The following PPP1R37 variants were observed in gnomAD, a reference collection of about 807,000 sequenced individuals.
PPP1R37 encodes leucine rich repeat containing 68.
Under a neutral mutation model 61.0 loss-of-function variants are expected in PPP1R37, and 21 were observed. The observed-to-expected ratio is 0.34, with a 90% CI of 0.24 to 0.50. The LOEUF (loss-of-function observed/expected upper bound fraction) is 0.50. PPP1R37 is among the 20% of genes least tolerant of loss of function. PPP1R37 has a pLI of 0.98. For synonymous variants in PPP1R37, 443 were observed against 433.5 expected, an observed-to-expected ratio of 1.02 and a Z score of -0.27; for missense variants, 910 against 952.7, an observed-to-expected ratio of 0.96 and a Z score of 0.59.
chr19:45,134,096 A>G (rs919604793), intron 1 of PPP1R37, among the ~76,000 whole-genome samples: 11 of 152,236 alleles, frequency 7.2e-5, no homozygotes, highest in Admixed American at 6.5e-4. Flanking sequence ...ATCCTGGGCC[A>G]GCCAGCTGCT....
chr19:45,145,813 CCCCCACCCCTCCCTCT>C lies in PPP1R37; in HGVS notation c.1762_1777del (p.Thr588HisfsTer45). The C allele has an allele frequency of 1.9e-6, 1 of 513,948 alleles. No individual in the cohort carries two copies. Among genetic ancestry groups the C allele is most frequent in the Non-Finnish European group, 3.1e-6 (1 of 317,570 alleles). 31.8% of individuals were successfully genotyped at this position (513,948 alleles called of 1,614,324 possible). On this transcript the variant is annotated frameshift_variant, in exon 11 of 13. Transcript: ENST00000221462. LOFTEE classifies it high-confidence loss of function. ...CCCGAGAGGGCAGAGCCCCCTGCGTCCCCCACCCCTCCCTCTCCCCCACCCCCTCCCTCCCCACCCG... is the reference window on the plus strand; with the variant it reads ...CCCGAGAGGGCAGAGCCCCCTGCGTCCCCCCACCCCCTCCCTCCCCACCCG...
intron 1 of PPP1R37, among the ~76,000 whole-genome samples, chr19:45,132,529 G>C (rs1272992341): frequency 1.3e-5 from 2 of 152,066 alleles, no homozygotes; most frequent in Non-Finnish European, 2.9e-5. Context: ...TTGAACTCCT[G>C]GTTTCAAGTG....
At chr19:45,144,702 G>A in intron 8 of PPP1R37, 152 bp from the exon 9 acceptor site, 1 of 647,134 alleles carries the variant, frequency 1.5e-6, no homozygotes, top group Non-Finnish European at 2.5e-6. Context: ...CAGGCCTGCG[G>A]CAGGGCAGGA....
rs1968464569 is a variant in PPP1R37 at position 45,130,590 on chromosome 19, G to C, written c.203-7924G>C. ...TCTGGGAACACTCCTTTCAAGGCCA[G>C]CTCACCCTGGCTCCTTTCTGTTCAT... On this transcript the variant is annotated intron_variant, in intron 1 of 12. Coordinates refer to ENST00000221462, the MANE Select transcript of PPP1R37 (RefSeq NM_019121.2). The surrounding 1 kb of genome is among the most constrained non-coding windows in gnomAD (Gnocchi z 4.4). Among the ~76,000 whole-genome samples the C allele has an allele frequency of 6.6e-6, 1 of 152,178 alleles. No homozygotes were observed. The highest frequency in any genetic ancestry group is 1.5e-5 in the Non-Finnish European group (1 of 68,034).
At chr19:45,102,074 A>G (rs568807015) in intron 1 of PPP1R37, among the ~76,000 whole-genome samples, 11 of 152,128 alleles carry the variant, frequency 7.2e-5, no homozygotes, top group Non-Finnish European at 1.0e-4. Context: ...CTGCCCCTGC[A>G]TGGGCTGTGG....
intron 1 of PPP1R37, among the ~76,000 whole-genome samples, chr19:45,101,848 G>T (rs989087539): frequency 6.6e-6 from 1 of 152,248 alleles, no homozygotes; most frequent in African/African-American, 2.4e-5. Context: ...TGTAGGCTTG[G>T]CGTAGCCTCA....
At chr19:45,139,803 C>G (rs529451075) in intron 2 of PPP1R37, among the ~76,000 whole-genome samples, 1 of 152,252 alleles carries the variant, frequency 6.6e-6, no homozygotes, top group African/African-American at 2.4e-5. Context: ...ATCTGCGGGA[C>G]GGTGGGTTCT....
chr19:45,138,629 T>A lies in PPP1R37; in HGVS notation c.300+18T>A. ...AGCTGCAGGTATGGGCGGGACAGGG[T>A]GGGTGCGTCCGGTGTGGGTGTCAAG... is the stretch of plus-strand genomic sequence containing the variant. On this transcript the variant is annotated intron_variant, in intron 2 of 12. Coordinates refer to ENST00000221462, the MANE Select transcript of PPP1R37 (RefSeq NM_019121.2). 5 of 591,764 alleles carry A rather than the reference T, an allele frequency of 8.4e-6. No individual in the cohort carries two copies. Among genetic ancestry groups the A allele is most frequent in the Non-Finnish European group, 1.5e-5 (5 of 336,382 alleles). 36.7% of individuals were successfully genotyped at this position (591,764 alleles called of 1,614,324 possible).
intron 1 of PPP1R37, among the ~76,000 whole-genome samples, chr19:45,099,177 C>T (rs760395325): frequency 3.3e-5 from 5 of 152,180 alleles, no homozygotes; most frequent in Non-Finnish European, 7.3e-5. Flanking sequence ...TTGTACTCCT[C>T]TTTCCCCTAT....
At chr19:45,131,867 TG>T (rs149843831) in intron 1 of PPP1R37, among the ~76,000 whole-genome samples, 5,223 of 152,288 alleles carry the variant, frequency 0.034, 304 homozygotes, top group African/African-American at 0.12. Context: ...ACTGTGACAC[TG>T]GTGCCAGCTA....
At chr19:45,115,215 T>G (rs1968250777) in intron 1 of PPP1R37, among the ~76,000 whole-genome samples, 2 of 152,064 alleles carry the variant, frequency 1.3e-5, no homozygotes, top group Admixed American at 6.5e-5. Context: ...GAGAAGGGTC[T>G]GGAAGGAAAT....
chr19:45,141,913 A>G (rs1968617045), intron 5 of PPP1R37, 148 bp from the exon 6 acceptor site: 5 of 912,706 alleles, frequency 5.5e-6, no homozygotes, highest in Non-Finnish European at 7.9e-6. Flanking sequence ...ACAAGGCGAC[A>G]TAGCCAGACG....
Position 45,118,242 on chromosome 19 carries a change from T to C in PPP1R37, c.203-20272T>C, listed in dbSNP as rs141624090. ...TGAGTGCCCAGGGGAGCTCCCAGTT[T>C]AGCAGGGGGAGAGGGTTCCCCAGTG... On this transcript the variant is annotated intron_variant, in intron 1 of 12. Coordinates refer to ENST00000221462, the MANE Select transcript of PPP1R37 (RefSeq NM_019121.2). 2.5e-3 allele frequency among the ~76,000 whole-genome samples: 374 copies of C among 152,234 alleles called. 2 individuals carry two copies. Among genetic ancestry groups the C allele is most frequent in the Non-Finnish European group, 4.1e-3 (278 of 68,008 alleles).
At position 45,132,315 on chromosome 19, in the gene PPP1R37, C is replaced by CT. The variant is rs959477521; in HGVS notation, c.203-6189dup. ...GGAGCAGTTACGTATTTTTTCTTTT[C>CT]TTTTTTTTTTAAGAGAGTCTCACTC... On this transcript the variant is annotated intron_variant, in intron 1 of 12. Coordinates refer to ENST00000221462, the MANE Select transcript of PPP1R37 (RefSeq NM_019121.2). Among the ~76,000 whole-genome samples, 85 of 149,122 alleles carry CT rather than the reference C, an allele frequency of 5.7e-4. 2 individuals carry two copies. The Middle Eastern group carries it at 0.01, about 18-fold the overall frequency.
chr19:45,138,640 G>A (rs755210667), intron 2 of PPP1R37, 29 bp downstream of exon 2: 9 of 1,465,784 alleles, frequency 6.1e-6, no homozygotes, highest in African/African-American at 1.4e-5. Flanking sequence ...GGGTGCGTCC[G>A]GTGTGGGTGT....
intron 7 of PPP1R37, 190 bp from the exon 8 acceptor site, chr19:45,143,331 A>G: frequency 3.7e-6 from 2 of 538,314 alleles, no homozygotes; most frequent in Non-Finnish European, 6.7e-6. Context: ...GCTGTCATCC[A>G]GGCACCCAGG....
intron 1 of PPP1R37, among the ~76,000 whole-genome samples, chr19:45,125,508 CG>C (rs1968393891): frequency 6.6e-6 from 1 of 152,160 alleles, no homozygotes; most frequent in Non-Finnish European, 1.5e-5. Context: ...GCTTCATTCG[CG>C]GAAGGCTGTT....
chr19:45,117,632 G>C (rs1007359020), intron 1 of PPP1R37, among the ~76,000 whole-genome samples: 1 of 152,150 alleles, frequency 6.6e-6, no homozygotes. Flanking sequence ...CAGGTCTTCT[G>C]TGTGCCTACC....
At chr19:45,135,546 G>A (rs545504281) in intron 1 of PPP1R37, among the ~76,000 whole-genome samples, 4 of 152,250 alleles carry the variant, frequency 2.6e-5, no homozygotes, top group Non-Finnish European at 5.9e-5. Flanking sequence ...AAGCTGAAAT[G>A]TGGAGAGTTG....
Sources: allele counts gnomAD v4.1 joint callset (sites outside exome capture counted in the v4.1 genomes callset), GRCh38; gene constraint gnomAD v4.1.1; non-coding constraint Gnocchi (gnomAD v3.1); transcripts MANE v1.5; gene names NCBI Gene and HGNC (gene_info 2026-07-23, HGNC 2026-07-21).